EFNA1: variants seen among roughly 807,000 people sequenced by gnomAD.
EFNA1 encodes ephrin-A1.
EFNA1 carries 8 observed loss-of-function variants against 23.2 expected under a neutral mutation model. The observed-to-expected ratio is 0.34, with a 90% CI of 0.20 to 0.62. EFNA1 has a LOEUF of 0.62. EFNA1 is among the 20% of genes least tolerant of loss of function. EFNA1 has a pLI of 0.75. For synonymous variants in EFNA1, 89 were observed against 98.6 expected (o/e 0.90, Z 0.58); for missense variants, 217 against 260.0 (o/e 0.83, Z 1.14).
intron 1 of EFNA1, chr1:155,131,007 A>C: frequency 1.0e-6 from 1 of 985,376 alleles, no homozygotes. Flanking sequence ...GGTAGAAGAG[A>C]ATGATAAGTG....
At chr1:155,133,370 T>G (rs1272648928) in intron 2 of EFNA1, 133 bp from the exon 3 acceptor site, 2 of 990,728 alleles carry the variant, frequency 2.0e-6, no homozygotes, top group East Asian at 4.9e-5. Flanking sequence ...CTAAGGAGGG[T>G]AGGAATCAAG....
In EFNA1 at chr1:155,131,429, C is replaced by T. The variant is rs776573004; in HGVS notation, c.183C>T (p.Asp61=). 2.5e-5 allele frequency: 41 copies of T among 1,614,024 alleles called. No individual in the cohort carries two copies. The highest frequency in any genetic ancestry group is 5.3e-5 in the African/African-American group (4 of 74,906). Residue 61 remains aspartate (D), a synonymous_variant, in exon 2 of 5, where the codon GAC becomes GAT. Transcript: ENST00000368407. ...CPHYEDHSVA[D]AAMEQYILYL... is the part of the protein sequence containing the mutation. ...ACTATGAAGATCACTCTGTGGCAGA[C>T]GCTGCCATGGAGCAGTACATACTGT...
intron 1 of EFNA1, 63 bp from the exon 2 acceptor site, chr1:155,131,276 G>A (rs781728852): frequency 6.5e-7 from 1 of 1,547,968 alleles, no homozygotes; most frequent in Non-Finnish European, 8.7e-7. Context: ...ACATTCAGAG[G>A]CCCAAGGATC....
intron 1 of EFNA1, among the ~76,000 whole-genome samples, chr1:155,130,344 C>A (rs1664205661): frequency 6.6e-6 from 1 of 152,058 alleles, no homozygotes; most frequent in Non-Finnish European, 1.5e-5. Context: ...CTACTGGGAC[C>A]CCACCCAGGC....
chr1:155,133,986 C>T lies in EFNA1; in HGVS notation c.537C>T (p.Ile179=), dbSNP rs11545254. 92 of 1,614,128 alleles carry T rather than the reference C, an allele frequency of 5.7e-5. No homozygotes were observed. In the East Asian group the frequency reaches 1.8e-3, roughly 32 times the overall value. Residue 179 remains isoleucine, a synonymous_variant, in exon 5 of 5, where the codon ATC becomes ATT. Coordinates refer to ENST00000368407, the MANE Select transcript of EFNA1 (RefSeq NM_004428.3). The stretch of plus-strand genomic sequence containing the variant: ...CAGAGGTGCGGGTTCTACATAGCAT[C>T]GGTCACAGTGCTGCCCCACGCCTCT... ...DDPEVRVLHS[I]GHSAAPRLFP...
Position 155,134,154 on chromosome 1 carries a change from C to A in EFNA1, c.*87C>A. 1 of 1,339,060 alleles carries A rather than the reference C, an allele frequency of 7.5e-7. No individual in the cohort carries two copies. 82.9% of individuals were successfully genotyped at this position (1,339,060 alleles called of 1,614,324 possible). A position where few individuals can be genotyped will look rare whatever the true frequency, so the allele number is the denominator to read the frequency against. On this transcript the variant is annotated 3_prime_UTR_variant, in exon 5 of 5. Coordinates refer to ENST00000368407, the MANE Select transcript of EFNA1 (RefSeq NM_004428.3). ...ACCTGTCTTGGGGCCACTTTCAGAG[C>A]CCCCAGCCCTGGGAACCACTCCCAC...
At chr1:155,131,306 C>T in intron 1 of EFNA1, 33 bp from the exon 2 acceptor site, 1 of 1,584,870 alleles carries the variant, frequency 6.3e-7, no homozygotes, top group Non-Finnish European at 8.6e-7. Context: ...TTCTGAATGA[C>T]CACCTGCTTC....
Position 155,133,718 on chromosome 1 carries a change from C to T in EFNA1, c.455-12C>T. 6.2e-7 allele frequency: 1 copy of T among 1,614,080 alleles called. No individual in the cohort carries two copies. Among genetic ancestry groups the T allele is most frequent in the Non-Finnish European group, 8.5e-7 (1 of 1,179,978 alleles). On this transcript the variant is annotated splice_polypyrimidine_tract_variant and intron_variant, in intron 3 of 4. Coordinates refer to ENST00000368407, the MANE Select transcript of EFNA1 (RefSeq NM_004428.3). Reference sequence around the variant, plus strand: ...ATACAGTACCTGATCTACTACCACTCTTGTCTTTCAGCTCACAGTCCTCAG... The same window carrying T: ...ATACAGTACCTGATCTACTACCACTTTTGTCTTTCAGCTCACAGTCCTCAG...
intron 1 of EFNA1, among the ~76,000 whole-genome samples, chr1:155,129,195 T>G (rs1309457674): frequency 6.6e-6 from 1 of 152,166 alleles, no homozygotes; most frequent in Non-Finnish European, 1.5e-5. Flanking sequence ...ACCCGCTCCC[T>G]GTGCTTTGCC....
At chr1:155,128,237 A>C (rs1415205451) in intron 1 of EFNA1, among the ~76,000 whole-genome samples, 168 bp downstream of exon 1, 1 of 151,134 alleles carries the variant, frequency 6.6e-6, no homozygotes, top group African/African-American at 2.4e-5. Flanking sequence ...GGAGCACCCC[A>C]CCCCGGGGCA....
At chr1:155,128,491 T>G (rs1264061313) in intron 1 of EFNA1, among the ~76,000 whole-genome samples, 1 of 150,550 alleles carries the variant, frequency 6.6e-6, no homozygotes, top group East Asian at 2.0e-4. Flanking sequence ...ACATCAAGAG[T>G]GCACAGAATG....
chr1:155,130,889 G>C (rs1664227382), intron 1 of EFNA1: 1 of 985,308 alleles, frequency 1.0e-6, no homozygotes, highest in Non-Finnish European at 1.2e-6. Flanking sequence ...TAAAGAGAAA[G>C]GGTTTCCTGG....
At chr1:155,132,563 G>A (rs1170808152) in intron 2 of EFNA1, among the ~76,000 whole-genome samples, 1 of 148,736 alleles carries the variant, frequency 6.7e-6, no homozygotes, top group Non-Finnish European at 1.5e-5. Context: ...GATTTTAAAA[G>A]TTATGAGATC....
At chr1:155,130,297 T>G (rs1664203962) in intron 1 of EFNA1, among the ~76,000 whole-genome samples, 2 of 152,200 alleles carry the variant, frequency 1.3e-5, no homozygotes. Context: ...TTAGAGAAAC[T>G]GACCAGCTTG....
intron 1 of EFNA1, among the ~76,000 whole-genome samples, chr1:155,128,521 G>A (rs1664147604): frequency 6.6e-6 from 1 of 152,192 alleles, no homozygotes; most frequent in African/African-American, 2.4e-5. Flanking sequence ...ACCCTGGAAG[G>A]ACCTCTCAGG....
Position 155,134,886 on chromosome 1 carries a change from C to T in EFNA1, c.*819C>T, listed in dbSNP as rs1280621629. ...GCTTTTCTGCCACTCCATATTAAAACATATGACCATTGAGTCCCTGCTAAG... is the reference window on the plus strand; with the variant it reads ...GCTTTTCTGCCACTCCATATTAAAATATATGACCATTGAGTCCCTGCTAAG... On this transcript the variant is annotated 3_prime_UTR_variant, in exon 5 of 5. Coordinates refer to ENST00000368407, the MANE Select transcript of EFNA1 (RefSeq NM_004428.3). 1 of 153,334 alleles carries T rather than the reference C, an allele frequency of 6.5e-6. No homozygotes were observed. Among genetic ancestry groups the T allele is most frequent in the African/African-American group, 2.4e-5 (1 of 41,446 alleles). The allele number at this position is 153,334 out of a possible 1,614,324, so 9.5% of individuals were successfully genotyped here.
chr1:155,130,392 T>G (rs1571684515), intron 1 of EFNA1: 1 of 489,044 alleles, frequency 2.0e-6, no homozygotes, highest in Non-Finnish European at 2.6e-6. Context: ...GAGGGGCTGG[T>G]GGGCAGTCAG....
At chr1:155,130,577 G>A in intron 1 of EFNA1, 1 of 985,340 alleles carries the variant, frequency 1.0e-6, no homozygotes, top group African/African-American at 1.7e-5. Context: ...GGGGGAGGTG[G>A]AAGTGTGGCT....
chr1:155,130,444 G>T, intron 1 of EFNA1: 5 of 931,056 alleles, frequency 5.4e-6, no homozygotes, highest in Non-Finnish European at 6.4e-6. Flanking sequence ...TAGGGGAGGG[G>T]TGCTGGCTCC....
Sources: allele counts gnomAD v4.1 joint callset (sites outside exome capture counted in the v4.1 genomes callset), GRCh38; gene constraint gnomAD v4.1.1; transcripts MANE v1.5; gene names NCBI Gene and HGNC (gene_info 2026-07-23, HGNC 2026-07-21).